S100A8: variants seen among roughly 807,000 people sequenced by gnomAD.
S100A8 encodes protein S100-A8.
Under a neutral mutation model 4.2 loss-of-function variants are expected in S100A8, and 1 was observed. The observed-to-expected ratio is 0.24, with a 90% CI of 0.08 to 1.12. The LOEUF (loss-of-function observed/expected upper bound fraction) is 1.12. Among genes scored for constraint, S100A8 ranks in the 50% most tolerant of loss-of-function variants. S100A8 has a pLI of 0.53. For synonymous variants in S100A8, 41 were observed against 44.7 expected (o/e 0.92, Z 0.33); for missense variants, 96 against 111.8 (o/e 0.86, Z 0.64).
the S100A8 span, among the ~76,000 whole-genome samples, chr1:153,408,923 A>C: frequency 6.6e-6 from 1 of 152,216 alleles, no homozygotes; most frequent in Non-Finnish European, 1.5e-5. Flanking sequence ...AGACAAGCAA[A>C]TGCTGAGAGA....
chr1:153,412,384 T>G, the S100A8 span, among the ~76,000 whole-genome samples: 2 of 152,090 alleles, frequency 1.3e-5, no homozygotes, highest in Non-Finnish European at 2.9e-5. Flanking sequence ...CATGAAAAAA[T>G]GCTCATCACT....
chr1:153,390,398 G>A lies in S100A8; in HGVS notation c.138C>T (p.Ile46=). 1.9e-6 allele frequency: 3 copies of A among 1,614,082 alleles called. No homozygotes were observed. The highest frequency in any genetic ancestry group is 2.5e-6 in the Non-Finnish European group (3 of 1,179,960). The change falls in exon 2 of 3, where the codon ATC becomes ATT. Residue 46 remains isoleucine, a synonymous_variant. Transcript: ENST00000368733. ...GCCACACCCAGCCCCTCCTCACCCT[G>A]ATATACTGAGGACACTCGGTCTCTA... is the stretch of plus-strand genomic sequence containing the variant. ...KLLETECPQY[I]RKKGADVWFK... is the part of the protein sequence containing the mutation.
the S100A8 span, among the ~76,000 whole-genome samples, chr1:153,404,572 C>A: frequency 6.6e-6 from 1 of 152,214 alleles, no homozygotes; most frequent in Admixed American, 6.5e-5. Flanking sequence ...CATTTCGTAT[C>A]ATCACAGGGA....
chr1:153,405,943 C>T, the S100A8 span, among the ~76,000 whole-genome samples: 5 of 152,150 alleles, frequency 3.3e-5, no homozygotes, highest in East Asian at 1.9e-4. Flanking sequence ...CTCTCTGTCC[C>T]GCTCCCCCAA....
At chr1:153,405,824 C>T in the S100A8 span, among the ~76,000 whole-genome samples, 37 of 152,058 alleles carry the variant, frequency 2.4e-4, 1 homozygote, top group Admixed American at 3.3e-4. Context: ...AACAGTGGGA[C>T]CACAGGCTCT....
At chr1:153,399,814 G>C in the S100A8 span, among the ~76,000 whole-genome samples, 1 of 152,150 alleles carries the variant, frequency 6.6e-6, no homozygotes, top group Admixed American at 6.6e-5. Context: ...ATTTTGAGTT[G>C]CAAGGAGGAA....
At chr1:153,393,216 G>T (rs1247840415), upstream of S100A8, among the ~76,000 whole-genome samples, 2 of 152,108 alleles carry the variant, frequency 1.3e-5, no homozygotes, top group African/African-American at 4.8e-5. Flanking sequence ...GGCATCATCT[G>T]CTCCAAGTCC....
chr1:153,409,151 C>A, the S100A8 span, among the ~76,000 whole-genome samples: 1 of 152,248 alleles, frequency 6.6e-6, no homozygotes, highest in Admixed American at 6.5e-5. Context: ...TGTAAATGGG[C>A]TAAATGCTCC....
Position 153,390,067 on chromosome 1 carries a change from T to C in S100A8, c.*36A>G, listed in dbSNP as rs143741672. 19 of 1,576,056 alleles carry C rather than the reference T, an allele frequency of 1.2e-5. No homozygotes were observed. The East Asian group carries it at 3.4e-4, about 28-fold the overall frequency. ...ATGACTTTATTATTCTGCAGGTACA[T>C]GTCCAGGGGCCCAGCCTCTGGGCCC... On this transcript the variant is annotated 3_prime_UTR_variant, in exon 3 of 3. Coordinates refer to ENST00000368733, the MANE Select transcript of S100A8 (RefSeq NM_002964.5).
At chr1:153,419,487 G>A in the S100A8 span, 1 of 694,318 alleles carries the variant, frequency 1.4e-6, no homozygotes, top group Non-Finnish European at 2.4e-6. Context: ...CAGGAGTAAT[G>A]TCCCTCCAGC....
At chr1:153,405,179 C>T in the S100A8 span, among the ~76,000 whole-genome samples, 1 of 151,828 alleles carries the variant, frequency 6.6e-6, no homozygotes, top group Non-Finnish European at 1.5e-5. Context: ...TGATCATTGC[C>T]AACTTGAAAT....
the S100A8 span, chr1:153,418,164 G>A: frequency 6.2e-7 from 1 of 1,614,080 alleles, no homozygotes; most frequent in Non-Finnish European, 8.5e-7. Context: ...TGGCAAGATT[G>A]AGAAGCCAAG....
the S100A8 span, among the ~76,000 whole-genome samples, chr1:153,403,949 A>T: frequency 3.9e-4 from 60 of 152,208 alleles, 1 homozygote; most frequent in East Asian, 7.2e-3. Flanking sequence ...CAATCGCAGC[A>T]CCTGACCGCC....
At chr1:153,414,307 A>G in the S100A8 span, among the ~76,000 whole-genome samples, 1 of 152,260 alleles carries the variant, frequency 6.6e-6, no homozygotes, top group Admixed American at 6.5e-5. Context: ...GATATTGTCA[A>G]GAGAATGAAA....
the S100A8 span, among the ~76,000 whole-genome samples, chr1:153,401,750 A>C: frequency 6.6e-6 from 1 of 152,192 alleles, no homozygotes; most frequent in African/African-American, 2.4e-5. Flanking sequence ...GATAATATTC[A>C]ATTTCTGACT....
At chr1:153,393,022 G>T (rs1442575837), upstream of S100A8, among the ~76,000 whole-genome samples, 2 of 152,060 alleles carry the variant, frequency 1.3e-5, no homozygotes, top group Non-Finnish European at 2.9e-5. Flanking sequence ...ATCCAATGAC[G>T]TATGTACTAT....
the S100A8 span, among the ~76,000 whole-genome samples, chr1:153,418,591 T>C: frequency 8.5e-5 from 13 of 152,130 alleles, no homozygotes; most frequent in African/African-American, 2.9e-4. Context: ...GGGAAAGCAC[T>C]AGAAGTTCCA....
chr1:153,396,168 A>C, the S100A8 span, among the ~76,000 whole-genome samples: 1 of 152,348 alleles, frequency 6.6e-6, no homozygotes, highest in South Asian at 2.1e-4. Context: ...AACTCCCTAG[A>C]GGAATAAGCT....
chr1:153,401,569 C>G, the S100A8 span, among the ~76,000 whole-genome samples: 1 of 152,168 alleles, frequency 6.6e-6, no homozygotes, highest in African/African-American at 2.4e-5. Context: ...GCAGACCAGA[C>G]ACTGAAAACA....
Sources: allele counts gnomAD v4.1 joint callset (sites outside exome capture counted in the v4.1 genomes callset), GRCh38; gene constraint gnomAD v4.1.1; transcripts MANE v1.5; gene names NCBI Gene and HGNC (gene_info 2026-07-23, HGNC 2026-07-21).